Variants in NOS1AP observed in about 807,000 individuals in gnomAD.
NOS1AP encodes carboxyl-terminal PDZ ligand of neuronal nitric oxide synthase protein.
A neutral mutation model predicts 56.2 loss-of-function variants in NOS1AP; 21 were observed. The observed-to-expected ratio is 0.37, with a 90% confidence interval of 0.26 to 0.54. NOS1AP has a LOEUF of 0.54. Ranked by LOEUF, NOS1AP falls within the 20% of genes least tolerant of loss-of-function variation. The probability of loss-of-function intolerance (pLI) is 0.84; values close to 1 mark genes in which losing one functional copy is unlikely to be tolerated. For synonymous variants in NOS1AP, 270 were observed against 274.6 expected, an observed-to-expected ratio of 0.98 and a Z score of 0.17; for missense variants, 522 against 657.8, an observed-to-expected ratio of 0.79 and a Z score of 2.26.
intron 4 of NOS1AP, among the ~76,000 whole-genome samples, chr1:162,319,497 C>T (rs1404686840): frequency 6.6e-6 from 1 of 152,188 alleles, no homozygotes; most frequent in Admixed American, 6.5e-5. Flanking sequence ...CTGTCCCCAT[C>T]TCCCACCAGT....
At chr1:162,252,882 A>G (rs1336244825) in intron 2 of NOS1AP, among the ~76,000 whole-genome samples, 1 of 152,162 alleles carries the variant, frequency 6.6e-6, no homozygotes, top group African/African-American at 2.4e-5. Flanking sequence ...TTCAGCAGCT[A>G]TTGTATTGGA....
chr1:162,326,157 A>G (rs1656584378), intron 4 of NOS1AP, among the ~76,000 whole-genome samples: 1 of 152,216 alleles, frequency 6.6e-6, no homozygotes, highest in Non-Finnish European at 1.5e-5. Context: ...GCCCCTTGGT[A>G]GTCTACATCC....
chr1:162,195,380 G>A (rs145876066), intron 2 of NOS1AP, among the ~76,000 whole-genome samples: 4 of 152,006 alleles, frequency 2.6e-5, no homozygotes, highest in East Asian at 3.9e-4. Flanking sequence ...TTCTCTCTAC[G>A]AGGCCATACT....
chr1:162,162,585 G>C (rs1259630350), intron 2 of NOS1AP, among the ~76,000 whole-genome samples: 1 of 152,186 alleles, frequency 6.6e-6, no homozygotes, highest in Non-Finnish European at 1.5e-5. Flanking sequence ...GGTAGTCACT[G>C]TATATTCCTG....
intron 8 of NOS1AP, among the ~76,000 whole-genome samples, chr1:162,358,483 TGC>T (rs2101822899): frequency 6.6e-6 from 1 of 152,320 alleles, no homozygotes; most frequent in South Asian, 2.1e-4. Flanking sequence ...TATCTCGTGA[TGC>T]TAGGAGGATT....
chr1:162,336,692 C>T (rs1263528276), intron 5 of NOS1AP, among the ~76,000 whole-genome samples: 2 of 152,246 alleles, frequency 1.3e-5, no homozygotes, highest in African/African-American at 4.8e-5. Flanking sequence ...CAGGCCAGGA[C>T]TTTGAACGCT....
intron 2 of NOS1AP, among the ~76,000 whole-genome samples, chr1:162,222,299 A>G (rs2101659015): frequency 6.6e-6 from 1 of 152,346 alleles, no homozygotes; most frequent in Non-Finnish European, 1.5e-5. Context: ...TGTTGTATAC[A>G]ATGCGGTATA....
rs375584280 is a variant in NOS1AP, at chr1:162,253,445, T to C, written c.178-33899T>C. ...GTGAAGCCAAGGGTGGTTACAGATA[T>C]AGAAGAAAACTTATACTTTGCCCAA... On this transcript the variant is annotated intron_variant, in intron 2 of 9. Transcript: ENST00000361897. Among the ~76,000 whole-genome samples the C allele has an allele frequency of 8.5e-4, 129 of 152,326 alleles. 3 individuals carry two copies. In the South Asian group the frequency reaches 0.026, roughly 30 times the overall value.
At chr1:162,131,821 T>C (rs1191347632) in intron 1 of NOS1AP, among the ~76,000 whole-genome samples, 1 of 152,096 alleles carries the variant, frequency 6.6e-6, no homozygotes, top group African/African-American at 2.4e-5. Flanking sequence ...TGATTTTACA[T>C]ATGGCCTCAG....
intron 2 of NOS1AP, among the ~76,000 whole-genome samples, chr1:162,231,840 G>A (rs753837630): frequency 1.3e-5 from 2 of 152,108 alleles, no homozygotes; most frequent in Admixed American, 6.5e-5. Context: ...AAAAAGTTAC[G>A]AAAATTTTAG....
chr1:162,188,609 G>A lies in NOS1AP; in HGVS notation c.177+34133G>A, dbSNP rs572983143. The stretch of plus-strand genomic sequence containing the variant: ...GAGGGCAATCTGGCTGGCTTCTGTC[G>A]AATCTTTGGAAAAAGTGACAGAGGT... On this transcript the variant is annotated intron_variant, in intron 2 of 9. Coordinates refer to ENST00000361897, the MANE Select transcript of NOS1AP (RefSeq NM_014697.3). The surrounding 1 kb of genome is among the most constrained non-coding windows in gnomAD (Gnocchi z 4.0). Among the ~76,000 whole-genome samples, 2 of 152,266 alleles carry A rather than the reference G, an allele frequency of 1.3e-5. No homozygotes were observed. The highest frequency in any genetic ancestry group is 2.1e-4 in the South Asian group (1 of 4,820).
chr1:162,323,352 C>A (rs1027436356), intron 4 of NOS1AP, among the ~76,000 whole-genome samples: 23 of 152,210 alleles, frequency 1.5e-4, no homozygotes, highest in Non-Finnish European at 5.9e-5. Flanking sequence ...GACTTCTGGC[C>A]TCCTGAACTG....
chr1:162,248,662 T>G (rs1653751978), intron 2 of NOS1AP, among the ~76,000 whole-genome samples: 1 of 152,150 alleles, frequency 6.6e-6, no homozygotes, highest in African/African-American at 2.4e-5. Context: ...CAACTGAATG[T>G]TTCTCTAGAG....
At chr1:162,083,376 C>G (rs561804104) in intron 1 of NOS1AP, among the ~76,000 whole-genome samples, 1 of 152,282 alleles carries the variant, frequency 6.6e-6, no homozygotes, top group South Asian at 2.1e-4. Flanking sequence ...CATAAACACA[C>G]ATAGCCTCCA....
At chr1:162,072,154 C>T (rs899784171) in intron 1 of NOS1AP, among the ~76,000 whole-genome samples, 4 of 152,092 alleles carry the variant, frequency 2.6e-5, no homozygotes, top group Non-Finnish European at 5.9e-5. Flanking sequence ...ACAGTTCAGT[C>T]CTCTGCATTT....
intron 2 of NOS1AP, among the ~76,000 whole-genome samples, chr1:162,202,327 A>G (rs1652021847): frequency 6.6e-6 from 1 of 152,200 alleles, no homozygotes; most frequent in Non-Finnish European, 1.5e-5. Flanking sequence ...ATCCCTTTTC[A>G]GAAGCAGCCA....
chr1:162,351,740 A>T (rs1657504033), intron 6 of NOS1AP, among the ~76,000 whole-genome samples: 1 of 151,956 alleles, frequency 6.6e-6, no homozygotes, highest in South Asian at 2.1e-4. Context: ...TCTCCCCCCG[A>T]CCTACGACCT....
chr1:162,159,632 G>C (rs945717195), intron 2 of NOS1AP, among the ~76,000 whole-genome samples: 5 of 152,102 alleles, frequency 3.3e-5, no homozygotes, highest in African/African-American at 1.2e-4. Context: ...ATGTTCTGTG[G>C]CACCACACCC....
chr1:162,340,212 A>G lies in NOS1AP; in HGVS notation c.454-3623A>G, dbSNP rs79989710. 6.2e-3 allele frequency among the ~76,000 whole-genome samples: 945 copies of G among 152,356 alleles called. 5 individuals are homozygous for G. Among genetic ancestry groups the G allele is most frequent in the African/African-American group, 0.021 (888 of 41,580 alleles). ...CCTTCACATTAAAGGAGTAAAATAA[A>G]GGATAAATTAAACCATTTAATTTAT... On this transcript the variant is annotated intron_variant, in intron 5 of 9. Coordinates refer to ENST00000361897, the MANE Select transcript of NOS1AP (RefSeq NM_014697.3).
Sources: allele counts gnomAD v4.1 joint callset (sites outside exome capture counted in the v4.1 genomes callset), GRCh38; gene constraint gnomAD v4.1.1; non-coding constraint Gnocchi (gnomAD v3.1); transcripts MANE v1.5; gene names NCBI Gene and HGNC (gene_info 2026-07-23, HGNC 2026-07-21).